Variants in ADGRL3 observed in about 807,000 individuals in gnomAD.
ADGRL3 encodes calcium-independent alpha-latrotoxin receptor 3.
In ADGRL3, 62 loss-of-function variants were observed where a neutral mutation model predicts 153.5. The ratio of observed to expected loss-of-function variants is 0.40; its 90% CI spans 0.33 to 0.50. The LOEUF is 0.50. Among genes scored for constraint, ADGRL3 ranks in the 20% least tolerant of loss-of-function variants. The probability of loss-of-function intolerance (pLI) is 0.47; values close to 1 mark genes in which losing one functional copy is unlikely to be tolerated. For synonymous variants in ADGRL3, 710 were observed against 672.5 expected (o/e 1.06, Z -0.86); for missense variants, 1,641 against 1,859.4 (o/e 0.88, Z 2.16).
intron 6 of ADGRL3, among the ~76,000 whole-genome samples, chr4:61,729,719 A>G (rs1042848970): frequency 6.6e-5 from 10 of 151,978 alleles, no homozygotes; most frequent in Admixed American, 3.9e-4. Context: ...CAAAATATTT[A>G]TAAGATAAAG....
intron 4 of ADGRL3, among the ~76,000 whole-genome samples, chr4:61,546,881 C>A (rs2098716152): frequency 6.6e-6 from 1 of 152,080 alleles, no homozygotes; most frequent in Admixed American, 6.5e-5. Context: ...AAGTGAAGTT[C>A]CACCATATGT....
chr4:61,912,527 T>G (rs532755158), intron 12 of ADGRL3, among the ~76,000 whole-genome samples, 192 bp from the exon 13 acceptor site: 3 of 152,194 alleles, frequency 2.0e-5, no homozygotes, highest in Non-Finnish European at 2.9e-5. Context: ...TCTGAAAGGA[T>G]GTTGGCTACT....
chr4:61,559,579 C>T (rs2148947393), intron 4 of ADGRL3, among the ~76,000 whole-genome samples: 1 of 152,202 alleles, frequency 6.6e-6, no homozygotes, highest in Middle Eastern at 3.4e-3. Context: ...GTTTTTCCAG[C>T]ACAAATGTTC....
At chr4:61,647,331 C>T (rs964478598) in intron 5 of ADGRL3, among the ~76,000 whole-genome samples, 1 of 152,098 alleles carries the variant, frequency 6.6e-6, no homozygotes, top group Non-Finnish European at 1.5e-5. Context: ...TGCCTAAAAA[C>T]TTTGGTTTCA....
chr4:61,879,632 G>A (rs2042281768), intron 9 of ADGRL3, among the ~76,000 whole-genome samples: 1 of 152,026 alleles, frequency 6.6e-6, no homozygotes, highest in South Asian at 2.1e-4. Flanking sequence ...ATGCACTTGT[G>A]GAAAGCAAGA....
At chr4:61,647,356 C>T (rs951787990) in intron 5 of ADGRL3, among the ~76,000 whole-genome samples, 2 of 152,114 alleles carry the variant, frequency 1.3e-5, no homozygotes, top group Non-Finnish European at 2.9e-5. Flanking sequence ...TTTGAATTTA[C>T]AGACGAAAAA....
At chr4:61,757,063 A>T (rs1300359823) in intron 8 of ADGRL3, among the ~76,000 whole-genome samples, 1 of 152,088 alleles carries the variant, frequency 6.6e-6, no homozygotes, top group Non-Finnish European at 1.5e-5. Context: ...TTCATCAGAG[A>T]TATTGGTCTA....
intron 1 of ADGRL3, among the ~76,000 whole-genome samples, chr4:61,334,050 G>A (rs535070208): frequency 1.3e-5 from 2 of 151,642 alleles, no homozygotes; most frequent in African/African-American, 2.4e-5. Context: ...CCAAATAGCT[G>A]GAATTACAGG....
chr4:61,560,960 A>G (rs1207703884), intron 4 of ADGRL3, among the ~76,000 whole-genome samples: 1 of 152,170 alleles, frequency 6.6e-6, no homozygotes. Flanking sequence ...TGAAAAAGAT[A>G]TATAGATATT....
At chr4:61,813,674 G>T in intron 8 of ADGRL3, 135 bp from the exon 9 acceptor site, 1 of 882,352 alleles carries the variant, frequency 1.1e-6, no homozygotes, top group Non-Finnish European at 1.7e-6. Context: ...TTTTATGTTT[G>T]GGCAGATATG....
At chr4:61,716,255 AAATCTT>A (rs1442220802) in intron 6 of ADGRL3, among the ~76,000 whole-genome samples, 2 of 152,114 alleles carry the variant, frequency 1.3e-5, no homozygotes, top group Non-Finnish European at 2.9e-5. Flanking sequence ...AACCTTTTAA[AAATCTT>A]AATACATCCC....
intron 15 of ADGRL3, among the ~76,000 whole-genome samples, chr4:61,937,161 A>G (rs1266496972): frequency 6.6e-6 from 1 of 152,160 alleles, no homozygotes; most frequent in East Asian, 1.9e-4. Flanking sequence ...CTCCAACAGT[A>G]TAGCCTGTTG....
At chr4:61,591,790 GAGA>G (rs748497790) in intron 5 of ADGRL3, among the ~76,000 whole-genome samples, 8 of 152,024 alleles carry the variant, frequency 5.3e-5, no homozygotes, top group Non-Finnish European at 1.0e-4. Context: ...GAGAGAGAGA[GAGA>G]AGGCCAGGTG....
intron 2 of ADGRL3, among the ~76,000 whole-genome samples, chr4:61,478,292 A>G (rs936432591): frequency 6.6e-6 from 1 of 152,096 alleles, no homozygotes; most frequent in Non-Finnish European, 1.5e-5. Flanking sequence ...GTTTGTTTAA[A>G]AGCATCTCTA....
chr4:61,635,721 T>G (rs2093392625), intron 5 of ADGRL3, among the ~76,000 whole-genome samples: 1 of 151,994 alleles, frequency 6.6e-6, no homozygotes, highest in Non-Finnish European at 1.5e-5. Flanking sequence ...AAATAAAAAT[T>G]TTTTCTTATG....
chr4:61,422,976 A>T (rs947896680), intron 2 of ADGRL3, among the ~76,000 whole-genome samples: 1 of 152,132 alleles, frequency 6.6e-6, no homozygotes, highest in African/African-American at 2.4e-5. Context: ...AAAATTCCTC[A>T]TGATTAATTC....
intron 4 of ADGRL3, among the ~76,000 whole-genome samples, chr4:61,523,845 T>G (rs759670493): frequency 1.3e-5 from 2 of 152,090 alleles, no homozygotes; most frequent in Non-Finnish European, 2.9e-5. Flanking sequence ...AAAAAGCATG[T>G]GAGTAGCTTT....
Position 61,927,586 on chromosome 4 carries a change from T to C in ADGRL3, c.2113-7254T>C, listed in dbSNP as rs559001473. 1.7e-4 allele frequency among the ~76,000 whole-genome samples: 26 copies of C among 152,244 alleles called. No individual in the cohort carries two copies. The South Asian group carries it at 4.4e-3, about 25-fold the overall frequency. On this transcript the variant is annotated intron_variant, in intron 13 of 26. Coordinates refer to ENST00000683033, the MANE Select transcript of ADGRL3 (RefSeq NM_001387552.1). ...ACTTAATAATATTAAATGACAGTGG[T>C]TATAAAAAGTACCTTAGGTTTATTG...
chr4:61,991,575 C>G (rs1560476425), intron 19 of ADGRL3, among the ~76,000 whole-genome samples: 1 of 151,986 alleles, frequency 6.6e-6, no homozygotes, highest in Non-Finnish European at 1.5e-5. Context: ...AGATCCAAAA[C>G]TGTAGCAGAA....
Sources: allele counts gnomAD v4.1 joint callset (sites outside exome capture counted in the v4.1 genomes callset), GRCh38; gene constraint gnomAD v4.1.1; transcripts MANE v1.5; gene names NCBI Gene and HGNC (gene_info 2026-07-23, HGNC 2026-07-21).